The following TMEM132D variants were observed in gnomAD, a reference collection of about 807,000 sequenced individuals.
TMEM132D encodes the protein mature OL transmembrane protein.
A neutral mutation model predicts 62.3 loss-of-function variants in TMEM132D; 21 were observed. The observed-to-expected ratio is 0.34, with a 90% confidence interval of 0.24 to 0.49. TMEM132D has a LOEUF of 0.49. TMEM132D is among the 20% of genes least tolerant of loss of function. The pLI, the probability that TMEM132D is intolerant of heterozygous loss-of-function variation, is 0.99. For synonymous variants in TMEM132D, 621 were observed against 575.6 expected, an observed-to-expected ratio of 1.08 and a Z score of -1.13; for missense variants, 1,346 against 1,402.8, an observed-to-expected ratio of 0.96 and a Z score of 0.65.
intron 3 of TMEM132D, among the ~76,000 whole-genome samples, chr12:129,363,537 A>G (rs567672483): frequency 6.6e-6 from 1 of 152,306 alleles, no homozygotes; most frequent in Non-Finnish European, 1.5e-5. Context: ...AAGTGCTGAG[A>G]GGCTCAGATG....
Position 129,531,052 on chromosome 12 carries a change from G to A in TMEM132D, c.1115+7C>T. Reference sequence around the variant, plus strand: ...TCTGAATATATCGGAGGCCAGTTGGGACTCACCTGTTTTCTGAGCCAGCTG... The same window carrying A: ...TCTGAATATATCGGAGGCCAGTTGGAACTCACCTGTTTTCTGAGCCAGCTG... On this transcript the variant is annotated splice_region_variant and intron_variant, in intron 3 of 8. Coordinates refer to ENST00000422113, the MANE Select transcript of TMEM132D (RefSeq NM_133448.3). The A allele has an allele frequency of 6.2e-7, 1 of 1,609,460 alleles. No individual in the cohort carries two copies. The highest frequency in any genetic ancestry group is 8.5e-7 in the Non-Finnish European group (1 of 1,177,302).
chr12:129,362,082 A>G (rs984701541), intron 3 of TMEM132D, among the ~76,000 whole-genome samples: 2 of 152,238 alleles, frequency 1.3e-5, no homozygotes, highest in South Asian at 2.1e-4. Flanking sequence ...GAATAAACCC[A>G]TGGTTCTAAT....
chr12:129,580,228 A>C (rs965375662), intron 2 of TMEM132D, among the ~76,000 whole-genome samples: 1 of 152,170 alleles, frequency 6.6e-6, no homozygotes, highest in Non-Finnish European at 1.5e-5. Flanking sequence ...AAGGTGAAAA[A>C]AACTCGGGTC....
chr12:129,528,005 C>T (rs1203626877), intron 3 of TMEM132D, among the ~76,000 whole-genome samples: 2 of 152,188 alleles, frequency 1.3e-5, no homozygotes, highest in African/African-American at 4.8e-5. Flanking sequence ...ATTAACACAA[C>T]TTCCTGATCC....
At chr12:129,388,466 T>G (rs1319981387) in intron 3 of TMEM132D, among the ~76,000 whole-genome samples, 9 of 101,820 alleles carry the variant, frequency 8.8e-5, no homozygotes, top group Non-Finnish European at 1.4e-4. Context: ...ATGATAATAT[T>G]AACACCAACA....
At chr12:129,174,771 C>A (rs549849656) in intron 5 of TMEM132D, among the ~76,000 whole-genome samples, 1 of 152,338 alleles carries the variant, frequency 6.6e-6, no homozygotes, top group Admixed American at 6.5e-5. Context: ...AATCACCATT[C>A]TGACTGGCAT....
chr12:129,279,500 C>G (rs1200306544), intron 4 of TMEM132D, among the ~76,000 whole-genome samples: 1 of 151,996 alleles, frequency 6.6e-6, no homozygotes, highest in South Asian at 2.1e-4. Context: ...GTAAAAATAT[C>G]GCTCTTCTCT....
At chr12:129,791,971 A>G (rs1871413535) in intron 1 of TMEM132D, among the ~76,000 whole-genome samples, 1 of 152,232 alleles carries the variant, frequency 6.6e-6, no homozygotes, top group South Asian at 2.1e-4. Flanking sequence ...TGCCCCCGAC[A>G]GAGGAAAAGT....
intron 1 of TMEM132D, among the ~76,000 whole-genome samples, chr12:129,728,042 T>C (rs979133245): frequency 6.6e-6 from 1 of 152,178 alleles, no homozygotes; most frequent in African/African-American, 2.4e-5. Flanking sequence ...TTTTTGCATC[T>C]CTTTGTATTG....
rs375868222 is a variant in TMEM132D, at chr12:129,721,878, C to G, written c.80-21180G>C. 3.2e-4 allele frequency among the ~76,000 whole-genome samples: 49 copies of G among 152,350 alleles called. No homozygotes were observed. The South Asian group carries it at 9.3e-3, about 29-fold the overall frequency. On this transcript the variant is annotated intron_variant, in intron 1 of 8. Transcript: ENST00000422113. Reference sequence around the variant, plus strand: ...CCCATCACCAGCCAGTTGGCCATACCTCCTATGCAGAAGGTATAAAGCCTA... The same window carrying G: ...CCCATCACCAGCCAGTTGGCCATACGTCCTATGCAGAAGGTATAAAGCCTA...
At chr12:129,865,165 C>T (rs924947822) in intron 1 of TMEM132D, among the ~76,000 whole-genome samples, 1 of 152,118 alleles carries the variant, frequency 6.6e-6, no homozygotes, top group African/African-American at 2.4e-5. Flanking sequence ...TGGGTGGAGG[C>T]GACCTCTCTC....
intron 1 of TMEM132D, among the ~76,000 whole-genome samples, chr12:129,805,231 C>A (rs1871940589): frequency 2.6e-5 from 4 of 151,958 alleles, no homozygotes; most frequent in Admixed American, 2.0e-4. Context: ...CCCGCATCAC[C>A]AAGTCAATCC....
intron 3 of TMEM132D, among the ~76,000 whole-genome samples, chr12:129,405,238 C>G (rs558579720): frequency 4.6e-4 from 70 of 152,006 alleles, no homozygotes; most frequent in African/African-American, 1.6e-3. Flanking sequence ...GGCCTGCGGA[C>G]AGGTGCCTTC....
At chr12:129,468,590 G>A (rs1454852638) in intron 3 of TMEM132D, among the ~76,000 whole-genome samples, 4 of 151,810 alleles carry the variant, frequency 2.6e-5, no homozygotes, top group Non-Finnish European at 2.9e-5. Flanking sequence ...TTACCTTTTT[G>A]TATCCTCAAA....
chr12:129,323,817 G>A (rs3850002), intron 4 of TMEM132D, among the ~76,000 whole-genome samples: 5,676 of 152,050 alleles, frequency 0.037, 412 homozygotes, highest in East Asian at 0.35. Context: ...AGCCACGTGT[G>A]TTTCATTAAT....
chr12:129,278,336 T>C (rs1178579555), intron 4 of TMEM132D, among the ~76,000 whole-genome samples: 1 of 152,052 alleles, frequency 6.6e-6, no homozygotes, highest in Non-Finnish European at 1.5e-5. Context: ...ACACTGAACA[T>C]ATACAGTCCA....
intron 1 of TMEM132D, among the ~76,000 whole-genome samples, chr12:129,819,130 A>C (rs1011396231): frequency 1.3e-5 from 2 of 152,010 alleles, no homozygotes; most frequent in Non-Finnish European, 2.9e-5. Flanking sequence ...AGCCTAGAAA[A>C]GGAACGAAAA....
At chr12:129,492,926 C>T (rs1009189790) in intron 3 of TMEM132D, among the ~76,000 whole-genome samples, 3 of 152,130 alleles carry the variant, frequency 2.0e-5, no homozygotes, top group African/African-American at 7.2e-5. Flanking sequence ...TGCTAAACAG[C>T]TAATCCCCCT....
intron 4 of TMEM132D, among the ~76,000 whole-genome samples, chr12:129,227,054 C>T (rs1879498487): frequency 6.6e-6 from 1 of 152,060 alleles, no homozygotes. Flanking sequence ...GCTGATTAGG[C>T]AGTGCTACTG....
Sources: gnomAD v4.1 joint callset for allele counts (sites outside exome capture counted in the v4.1 genomes callset) on GRCh38, gnomAD v4.1.1 for gene constraint, MANE v1.5 for transcripts, NCBI Gene and HGNC (gene_info 2026-07-23, HGNC 2026-07-21) for gene names.